Variants in ADAMTS20 observed in about 807,000 individuals in gnomAD.
ADAMTS20 encodes ADAM metallopeptidase with thrombospondin type 1 motif 20.
Under a neutral mutation model 260.1 loss-of-function variants are expected in ADAMTS20, and 225 were observed. That is an observed-to-expected ratio of 0.87 (90% CI 0.78 to 0.97). The LOEUF (loss-of-function observed/expected upper bound fraction) is 0.97. Among genes scored for constraint, ADAMTS20 ranks in the 50% least tolerant of loss-of-function variants. The probability of loss-of-function intolerance (pLI) is 0.00; values close to 1 mark genes in which losing one functional copy is unlikely to be tolerated. For missense variants in ADAMTS20, 2,400 were observed against 2,337.7 expected (o/e 1.03, Z -0.55); for synonymous variants, 802 against 769.5 (o/e 1.04, Z -0.70).
In ADAMTS20 at chr12:43,428,772, G is replaced by C. The variant is rs764104390; in HGVS notation, c.3517C>G (p.Gln1173Glu). Residue 1173 changes from glutamine (Q) to glutamate (E), a missense_variant, in exon 25 of 39, where the codon CAA becomes GAA. By Grantham distance (29) the Gln-to-Glu change is conservative. Transcript: ENST00000389420. ...PCSVSCGRGT[Q>E]ARYVSCRDAL... ...TCACGACAGCTTACATAGCGGGCTT[G>C]AGTACCTCTTCCACAAGATACGGAG... 1.1e-5 allele frequency: 18 copies of C among 1,607,444 alleles called. No individual in the cohort carries two copies. The East Asian group carries it at 3.4e-4, about 30-fold the overall frequency.
downstream of ADAMTS20, among the ~76,000 whole-genome samples, chr12:43,353,006 C>T (rs918685681): frequency 2.6e-5 from 4 of 151,980 alleles, no homozygotes; most frequent in African/African-American, 7.2e-5. Flanking sequence ...GAGAAAAACA[C>T]TTTGTGGGTA....
Position 43,501,481 on chromosome 12 carries a change from G to GCACACACACACACACACACACACACACA in ADAMTS20, c.867+670_867+671insTGTGTGTGTGTGTGTGTGTGTGTGTGTG, listed in dbSNP as rs3036317. Among the ~76,000 whole-genome samples, 305 of 117,806 alleles carry GCACACACACACACACACACACACACACA rather than the reference G, an allele frequency of 2.6e-3. 3 individuals are homozygous for GCACACACACACACACACACACACACACA. Among genetic ancestry groups the GCACACACACACACACACACACACACACA allele is most frequent in the African/African-American group, 3.3e-3 (106 of 31,762 alleles). The allele number at this position is 117,806 out of a possible 152,430, so 77.3% of individuals were successfully genotyped here. A position where few individuals can be genotyped will look rare whatever the true frequency, so the allele number is the denominator to read the frequency against. On this transcript the variant is annotated intron_variant, in intron 4 of 38. Transcript: ENST00000389420. Reference sequence around the variant, plus strand: ...GGGATACGCGCGCGCGCGCGCGCGCGCACACACACACACACACACACATGT... The same window carrying GCACACACACACACACACACACACACACA: ...GGGATACGCGCGCGCGCGCGCGCGCGCACACACACACACACACACACACACACACACACACACACACACACACACATGT...
chr12:43,427,375 T>C lies in ADAMTS20; in HGVS notation c.4040A>G (p.Lys1347Arg), dbSNP rs1941353302. The stretch of plus-strand genomic sequence containing the variant: ...ACCACATTGCTGTAACTCTGGAGGC[T>C]TGGAGGCTGCATCGCAGTAACTAGC... ...QSASYCDAAS[K>R]PPELQQCGPG... is the part of the protein sequence containing the mutation. Residue 1347 changes from lysine to arginine, a missense_variant, in exon 27 of 39, where the codon AAG becomes AGG. Transcript: ENST00000389420. 4 of 1,613,840 alleles carry C rather than the reference T, an allele frequency of 2.5e-6. No homozygotes were observed. Among genetic ancestry groups the C allele is most frequent in the Non-Finnish European group, 3.4e-6 (4 of 1,179,876 alleles).
chr12:43,484,320 T>C (rs1235982310), intron 7 of ADAMTS20, among the ~76,000 whole-genome samples: 1 of 152,134 alleles, frequency 6.6e-6, no homozygotes, highest in Non-Finnish European at 1.5e-5. Flanking sequence ...CAGAAGTGGG[T>C]GTAAGCCAAA....
In ADAMTS20 at chr12:43,551,307, C is replaced by A. The variant is rs1943513329; in HGVS notation, c.92-37G>T. 1 of 1,587,276 alleles carries A rather than the reference C, an allele frequency of 6.3e-7. No individual in the cohort carries two copies. The highest frequency in any genetic ancestry group is 1.7e-5 in the Admixed American group (1 of 58,438). ...GCGACAGGACCAGTGAGCTCCCACG[C>A]GTTCCTCATTGTCCAACTCTAAACT... On this transcript the variant is annotated intron_variant, in intron 1 of 38. Transcript: ENST00000389420. The surrounding 1 kb of genome is among the most constrained non-coding windows in gnomAD (Gnocchi z 4.6).
At chr12:43,376,799 G>A (rs1376817535) in intron 32 of ADAMTS20, 146 bp from the exon 33 acceptor site, 3 of 918,222 alleles carry the variant, frequency 3.3e-6, no homozygotes, top group African/African-American at 1.7e-5. Flanking sequence ...AAACTATGCT[G>A]GGGGCTGGAT....
In ADAMTS20 at chr12:43,439,624, T is replaced by C; in HGVS notation, c.2591A>G (p.Gln864Arg). Residue 864 changes from glutamine to arginine, a missense_variant and splice_region_variant, in exon 18 of 39, where the codon CAA becomes CGA. By Grantham distance (43) the Gln-to-Arg change is conservative. Coordinates refer to ENST00000389420, the MANE Select transcript of ADAMTS20 (RefSeq NM_025003.5). ...GPWEGCTKMC[Q>R]GLQRRNITCI... ...TCCCTTATTGAATGCCAGCGTACCT[T>C]GACACATTTTGGTACAGCCTTCCCA... 6.2e-7 allele frequency: 1 copy of C among 1,603,818 alleles called. No individual in the cohort carries two copies. The highest frequency in any genetic ancestry group is 8.5e-7 in the Non-Finnish European group (1 of 1,177,188).
chr12:43,383,850 C>T lies in ADAMTS20; in HGVS notation c.4580G>A (p.Ser1527Asn), dbSNP rs1348814667. The change falls in exon 30 of 39, where the codon AGT (serine) becomes AAT (asparagine). Residue 1527 changes from serine to asparagine, a missense_variant. Coordinates refer to ENST00000389420, the MANE Select transcript of ADAMTS20 (RefSeq NM_025003.5). ...TRPCSQRRCWSQDCVQHKGME... is the reference protein window; with the variant it reads ...TRPCSQRRCWNQDCVQHKGME... Reference sequence around the variant, plus strand: ...CCCCTTGTGCTGCACACAGTCCTGACTCCAACATCGCCTCTGAGAACAAGG... The same window carrying T: ...CCCCTTGTGCTGCACACAGTCCTGATTCCAACATCGCCTCTGAGAACAAGG... 1 of 1,613,984 alleles carries T rather than the reference C, an allele frequency of 6.2e-7. No homozygotes were observed. The highest frequency in any genetic ancestry group is 8.5e-7 in the Non-Finnish European group (1 of 1,179,876).
intron 18 of ADAMTS20, among the ~76,000 whole-genome samples, chr12:43,437,078 A>G (rs1015772358): frequency 6.6e-6 from 1 of 152,162 alleles, no homozygotes. Context: ...CCTCTAACAC[A>G]CACAAAAAAG....
At chr12:43,363,496 C>T (rs2137189735) in intron 37 of ADAMTS20, among the ~76,000 whole-genome samples, 1 of 152,266 alleles carries the variant, frequency 6.6e-6, no homozygotes, top group East Asian at 1.9e-4. Flanking sequence ...GGATTACTGC[C>T]ATGACTCAGC....
chr12:43,390,364 T>C (rs1940571961), intron 29 of ADAMTS20, among the ~76,000 whole-genome samples: 2 of 152,228 alleles, frequency 1.3e-5, no homozygotes, highest in South Asian at 4.1e-4. Context: ...ACACCTTTTG[T>C]ATTCTCTCCT....
chr12:43,541,098 C>T (rs1565587762), intron 2 of ADAMTS20, among the ~76,000 whole-genome samples: 1 of 152,136 alleles, frequency 6.6e-6, no homozygotes, highest in Non-Finnish European at 1.5e-5. Context: ...ACCCTTTGAA[C>T]TCTTTTCCCA....
chr12:43,440,324 T>G lies in ADAMTS20; in HGVS notation c.2291-255A>C, dbSNP rs191948576. Among the ~76,000 whole-genome samples the G allele has an allele frequency of 6.7e-4, 102 of 152,192 alleles. 2 individuals carry two copies. In the East Asian group the frequency reaches 0.014, roughly 20 times the overall value. Reference sequence around the variant, plus strand: ...CCACCACGCCTGGCTAATTTTTGTATTTTTAGTAGAGACGGGGTTTTGCCA... The same window carrying G: ...CCACCACGCCTGGCTAATTTTTGTAGTTTTAGTAGAGACGGGGTTTTGCCA... On this transcript the variant is annotated intron_variant, in intron 16 of 38. Coordinates refer to ENST00000389420, the MANE Select transcript of ADAMTS20 (RefSeq NM_025003.5).
chr12:43,432,660 G>C lies in ADAMTS20; in HGVS notation c.2872C>G (p.Gln958Glu), dbSNP rs747080571. Residue 958 changes from glutamine to glutamate, a missense_variant, in exon 20 of 39, where the codon CAA becomes GAA. Transcript: ENST00000389420. ...YCGDQLKPPTQELCHGNCVFT... is the reference protein window; with the variant it reads ...YCGDQLKPPTEELCHGNCVFT... ...ACACAGTTACCATGGCATAGTTCTTGGGTAGGAGGTTTAAGCTGGTCACCA... is the reference window on the plus strand; with the variant it reads ...ACACAGTTACCATGGCATAGTTCTTCGGTAGGAGGTTTAAGCTGGTCACCA... 1.2e-6 allele frequency: 2 copies of C among 1,613,886 alleles called. No individual in the cohort carries two copies. Among genetic ancestry groups the C allele is most frequent in the South Asian group, 2.2e-5 (2 of 91,082 alleles).
chr12:43,352,882 G>T (rs1939666471), downstream of ADAMTS20, among the ~76,000 whole-genome samples: 1 of 152,008 alleles, frequency 6.6e-6, no homozygotes, highest in Non-Finnish European at 1.5e-5. Context: ...CTGGCTTAAG[G>T]CACATAATAC....
downstream of ADAMTS20, among the ~76,000 whole-genome samples, chr12:43,353,135 A>G (rs1939670608): frequency 6.6e-6 from 1 of 152,070 alleles, no homozygotes. Flanking sequence ...TTTCAAAAGT[A>G]TATTATTATA....
Position 43,383,840 on chromosome 12 carries a change from A to G in ADAMTS20, c.4590T>C (p.Cys1530=). ...CSQRRCWSQD[C]VQHKGMERGR... The stretch of plus-strand genomic sequence containing the variant: ...CTCTTTCCATCCCCTTGTGCTGCAC[A>G]CAGTCCTGACTCCAACATCGCCTCT... The change falls in exon 30 of 39, where the codon TGT becomes TGC. Residue 1530 remains cysteine, a synonymous_variant. Transcript: ENST00000389420. 1.2e-6 allele frequency: 2 copies of G among 1,613,932 alleles called. No individual in the cohort carries two copies. The highest frequency in any genetic ancestry group is 1.7e-6 in the Non-Finnish European group (2 of 1,179,850).
At chr12:43,541,396 T>TATTAAGTGATATTAATAATAGGATATTA (rs1943374963) in intron 2 of ADAMTS20, among the ~76,000 whole-genome samples, 1 of 152,196 alleles carries the variant, frequency 6.6e-6, no homozygotes, top group Non-Finnish European at 1.5e-5. Context: ...TTAATGTGTG[T>TATTAAGTGATATTAATAATAGGATATTA]TTAAGTGATA....
intron 7 of ADAMTS20, among the ~76,000 whole-genome samples, chr12:43,471,337 G>A (rs527657144): frequency 5.8e-4 from 86 of 148,918 alleles, no homozygotes; most frequent in African/African-American, 1.8e-3. Context: ...AGGGTCCTAC[G>A]CCCACGGAGT....
Sources: allele counts gnomAD v4.1 joint callset (sites outside exome capture counted in the v4.1 genomes callset), GRCh38; gene constraint gnomAD v4.1.1; non-coding constraint Gnocchi (gnomAD v3.1); transcripts MANE v1.5; gene names NCBI Gene and HGNC (gene_info 2026-07-23, HGNC 2026-07-21).